Variants in IFT140 observed in about 807,000 individuals in gnomAD.
IFT140 encodes intraflagellar transport 140, also known as intraflagellar transport protein 140 homolog.
A neutral mutation model predicts 164.6 loss-of-function variants in IFT140; 133 were observed. The observed-to-expected ratio is 0.81, with a 90% confidence interval of 0.70 to 0.93. The LOEUF (loss-of-function observed/expected upper bound fraction) is 0.93. Among genes scored for constraint, IFT140 ranks in the 40% least tolerant of loss-of-function variants. The pLI, the probability that IFT140 is intolerant of heterozygous loss-of-function variation, is 0.00. For missense variants in IFT140, 2,045 were observed against 1,972.3 expected (o/e 1.04, Z -0.70); for synonymous variants, 860 against 817.3 (o/e 1.05, Z -0.89).
intron 19 of IFT140, 89 bp downstream of exon 19, chr16:1,557,846 A>C (rs1199374788): frequency 4.6e-6 from 6 of 1,304,546 alleles, no homozygotes; most frequent in Non-Finnish European, 6.6e-6. Flanking sequence ...CAAATATTTC[A>C]ACAGGCGAAC....
chr16:1,513,845 T>C (rs1264806251), intron 30 of IFT140, among the ~76,000 whole-genome samples: 2 of 146,766 alleles, frequency 1.4e-5, no homozygotes, highest in Non-Finnish European at 3.0e-5. Context: ...GGCTAATTTT[T>C]TGTATTTTTA....
Position 1,589,743 on chromosome 16 carries a change from A to C in IFT140, c.672T>G (p.Thr224=). The stretch of plus-strand genomic sequence containing the variant: ...TCGTGCTGTCTGCGGACACCACCTG[A>C]GTGGTCTTGCCCTTCTCATCCACAT... ...VHYVDEKGKT[T]QVVSADSTIQ... is the part of the protein sequence containing the mutation. The change falls in exon 7 of 31, where the codon ACT becomes ACG. Residue 224 remains threonine (T), a synonymous_variant. Coordinates refer to ENST00000426508, the MANE Select transcript of IFT140 (RefSeq NM_014714.4). 2 of 1,614,160 alleles carry C rather than the reference A, an allele frequency of 1.2e-6. No individual in the cohort carries two copies. Among genetic ancestry groups the C allele is most frequent in the Non-Finnish European group, 1.7e-6 (2 of 1,180,010 alleles).
chr16:1,589,028 G>A lies in IFT140; in HGVS notation c.810+577C>T, dbSNP rs142607578. Among the ~76,000 whole-genome samples, 1,022 of 152,326 alleles carry A rather than the reference G, an allele frequency of 6.7e-3. 10 individuals carry two copies. The highest frequency in any genetic ancestry group is 8.1e-3 in the Non-Finnish European group (548 of 68,022). Reference sequence around the variant, plus strand: ...TGTCTGCTGTCACGTCACGCAGTCCGTGGTAGGTTGTTACGGTGGCCCAAG... The same window carrying A: ...TGTCTGCTGTCACGTCACGCAGTCCATGGTAGGTTGTTACGGTGGCCCAAG... On this transcript the variant is annotated intron_variant, in intron 7 of 30. Coordinates refer to ENST00000426508, the MANE Select transcript of IFT140 (RefSeq NM_014714.4).
At chr16:1,527,596 G>A (rs1369622631) in intron 19 of IFT140, among the ~76,000 whole-genome samples, 11 of 152,200 alleles carry the variant, frequency 7.2e-5, no homozygotes, top group Admixed American at 6.5e-4. Flanking sequence ...GTGTAAGACA[G>A]GGTCTCCCTC....
intron 4 of IFT140, among the ~76,000 whole-genome samples, chr16:1,600,630 C>T (rs1356155682): frequency 6.6e-6 from 1 of 151,930 alleles, no homozygotes; most frequent in Non-Finnish European, 1.5e-5. Context: ...TTAAAGAAAA[C>T]AAGGAAGTTT....
At chr16:1,518,804 G>C (rs1466326977) in intron 29 of IFT140, among the ~76,000 whole-genome samples, 3 of 152,012 alleles carry the variant, frequency 2.0e-5, no homozygotes, top group African/African-American at 7.3e-5. Context: ...AGGGTCTGTG[G>C]CAGAGCAGGG....
chr16:1,586,055 G>A (rs2034858164), intron 10 of IFT140, 75 bp downstream of exon 10: 2 of 1,574,720 alleles, frequency 1.3e-6, no homozygotes, highest in Non-Finnish European at 1.7e-6. Flanking sequence ...ACAGGCGTGA[G>A]CCACCGCGCC....
Position 1,612,069 on chromosome 16 carries a change from C to A in IFT140, c.-323G>T, listed in dbSNP as rs1366330243. On this transcript the variant is annotated 5_prime_UTR_variant, in exon 1 of 31. Coordinates refer to ENST00000426508, the MANE Select transcript of IFT140 (RefSeq NM_014714.4). ...TCTTCTCACGTATCCGTCAACACTG[C>A]TGCGGCCAATCACAGCACGGGCCCT... is the stretch of plus-strand genomic sequence containing the variant. 1 of 152,292 alleles carries A rather than the reference C, an allele frequency of 6.6e-6. No homozygotes were observed. The highest frequency in any genetic ancestry group is 6.5e-5 in the Admixed American group (1 of 15,284). 9.4% of individuals were successfully genotyped at this position (152,292 alleles called of 1,614,324 possible). A position where few individuals can be genotyped will look rare whatever the true frequency, so the allele number is the denominator to read the frequency against.
At chr16:1,610,400 G>A (rs2036276673) in intron 2 of IFT140, 1 of 154,004 alleles carries the variant, frequency 6.5e-6, no homozygotes, top group Admixed American at 6.6e-5. Context: ...CCATTCCAAA[G>A]GGACTCTCCC....
chr16:1,555,788 G>C (rs1260700438), intron 19 of IFT140, among the ~76,000 whole-genome samples: 4 of 152,046 alleles, frequency 2.6e-5, no homozygotes, highest in African/African-American at 9.7e-5. Flanking sequence ...AGAATAAAAG[G>C]GATGAGGTCT....
chr16:1,524,390 G>A (rs2040611063), intron 24 of IFT140, 162 bp downstream of exon 24: 2 of 883,486 alleles, frequency 2.3e-6, no homozygotes, highest in South Asian at 3.5e-5. Context: ...GCCAGGGGTG[G>A]GCAGAGGGGT....
chr16:1,574,668 G>A (rs993644481), intron 13 of IFT140, among the ~76,000 whole-genome samples: 6 of 152,118 alleles, frequency 3.9e-5, no homozygotes, highest in African/African-American at 1.4e-4. Flanking sequence ...AACCCCAACT[G>A]CCCTCAGGGT....
chr16:1,562,512 G>A (rs1177342949), intron 17 of IFT140, among the ~76,000 whole-genome samples: 1 of 152,144 alleles, frequency 6.6e-6, no homozygotes, highest in African/African-American at 2.4e-5. Flanking sequence ...AGTGGCTCAC[G>A]CCTGTAATCC....
At chr16:1,569,139 G>C (rs1219866958) in intron 14 of IFT140, among the ~76,000 whole-genome samples, 1 of 152,046 alleles carries the variant, frequency 6.6e-6, no homozygotes, top group South Asian at 2.1e-4. Flanking sequence ...CGAGTAGCTG[G>C]GCCTACAGGC....
chr16:1,610,971 C>T (rs2036300701), intron 1 of IFT140, 118 bp from the exon 2 acceptor site: 2 of 152,476 alleles, frequency 1.3e-5, no homozygotes, highest in African/African-American at 4.8e-5. Context: ...GCGGCATCCT[C>T]CCCTCCTGGG....
intron 4 of IFT140, among the ~76,000 whole-genome samples, chr16:1,594,818 C>T (rs1457892709): frequency 1.3e-5 from 2 of 152,212 alleles, no homozygotes; most frequent in Non-Finnish European, 2.9e-5. Flanking sequence ...CGCTCAGACG[C>T]CAAGCACTCC....
intron 19 of IFT140, chr16:1,542,008 G>A (rs766333793): frequency 6.2e-7 from 1 of 1,611,224 alleles, no homozygotes; most frequent in Non-Finnish European, 8.5e-7. Context: ...GGGCTGGTGG[G>A]CCTGCCCCTG....
intron 19 of IFT140, chr16:1,557,667 T>G: frequency 6.4e-6 from 3 of 468,040 alleles, no homozygotes; most frequent in Non-Finnish European, 1.2e-5. Flanking sequence ...GGGATGGGTA[T>G]TATAGATGTT....
In IFT140 at chr16:1,534,247, C is replaced by G. The variant is rs745948650; in HGVS notation, c.2400-7451G>C. 1.5e-5 allele frequency: 24 copies of G among 1,606,184 alleles called. No individual in the cohort carries two copies. In the East Asian group the frequency reaches 5.4e-4, roughly 36 times the overall value. ...GCCGCGGACTGGGACTTGGCTTTCTCCGGATAAGCGGCGGCACCGGCGTCA... is the reference window on the plus strand; with the variant it reads ...GCCGCGGACTGGGACTTGGCTTTCTGCGGATAAGCGGCGGCACCGGCGTCA... On this transcript the variant is annotated intron_variant, in intron 19 of 30. Coordinates refer to ENST00000426508, the MANE Select transcript of IFT140 (RefSeq NM_014714.4).
Sources: allele counts gnomAD v4.1 joint callset (sites outside exome capture counted in the v4.1 genomes callset), GRCh38; gene constraint gnomAD v4.1.1; transcripts MANE v1.5; gene names NCBI Gene and HGNC (gene_info 2026-07-23, HGNC 2026-07-21).